Variants in TRPM3 observed in about 807,000 individuals in gnomAD.
TRPM3 encodes the protein long transient receptor potential channel 3.
TRPM3 carries 77 observed loss-of-function variants against 181.2 expected under a neutral mutation model. The observed-to-expected ratio is 0.42, with a 90% CI of 0.35 to 0.51. TRPM3 has a LOEUF of 0.51. TRPM3 is among the 20% of genes least tolerant of loss of function. The pLI is 0.01. For missense variants in TRPM3, 1,759 were observed against 2,196.7 expected (o/e 0.80, Z 3.98); for synonymous variants, 745 against 796.4 (o/e 0.94, Z 1.09).
chr9:71,157,162 AATAACAGT>A, intron 1 of TRPM3, among the ~76,000 whole-genome samples: 1 of 152,290 alleles, frequency 6.6e-6, no homozygotes, highest in African/African-American at 2.4e-5. Context: ...ATAGAAAATG[AATAACAGT>A]ACATTATCAA....
At chr9:71,339,113 A>G (rs2090776788) in intron 1 of TRPM3, among the ~76,000 whole-genome samples, 1 of 151,988 alleles carries the variant, frequency 6.6e-6, no homozygotes, top group Admixed American at 6.6e-5. Context: ...CAATACCATC[A>G]ATAAAAAAAT....
At chr9:70,818,225 G>A (rs1163047271) in intron 6 of TRPM3, among the ~76,000 whole-genome samples, 1 of 152,162 alleles carries the variant, frequency 6.6e-6, no homozygotes, top group Non-Finnish European at 1.5e-5. Context: ...AATGGAATGT[G>A]AATTTTTGAA....
chr9:70,615,009 T>C (rs528858359), intron 18 of TRPM3, among the ~76,000 whole-genome samples: 29 of 152,254 alleles, frequency 1.9e-4, no homozygotes, highest in Middle Eastern at 6.8e-3. Context: ...TGTCTGCAAA[T>C]AGATCTTTAG....
At chr9:71,445,450 T>C (rs2094190897) in intron 1 of TRPM3, among the ~76,000 whole-genome samples, 1 of 152,198 alleles carries the variant, frequency 6.6e-6, no homozygotes, top group Non-Finnish European at 1.5e-5. Context: ...AGCGGTGCTA[T>C]ACCCATATTT....
At chr9:71,375,245 A>C (rs1219392550) in intron 1 of TRPM3, among the ~76,000 whole-genome samples, 1 of 152,214 alleles carries the variant, frequency 6.6e-6, no homozygotes, top group Non-Finnish European at 1.5e-5. Context: ...ATCTTCGACA[A>C]ATCTGACTTA....
At chr9:71,152,399 C>T (rs924414448) in intron 1 of TRPM3, among the ~76,000 whole-genome samples, 1 of 152,094 alleles carries the variant, frequency 6.6e-6, no homozygotes, top group Admixed American at 6.6e-5. Context: ...ATGACTAAAT[C>T]ACCATGATTA....
chr9:70,615,777 C>A (rs1224214633), intron 18 of TRPM3, 131 bp downstream of exon 18: 5 of 929,628 alleles, frequency 5.4e-6, no homozygotes, highest in Non-Finnish European at 8.1e-6. Context: ...TGAAAGCACT[C>A]CATGATTAAA....
chr9:70,566,828 C>A (rs552908761), intron 22 of TRPM3, among the ~76,000 whole-genome samples: 3 of 152,182 alleles, frequency 2.0e-5, no homozygotes, highest in Non-Finnish European at 4.4e-5. Context: ...AAGGAAAATG[C>A]GTGCCAGGGA....
At chr9:71,090,245 T>G (rs2065975469) in intron 1 of TRPM3, among the ~76,000 whole-genome samples, 1 of 152,150 alleles carries the variant, frequency 6.6e-6, no homozygotes, top group Admixed American at 6.6e-5. Flanking sequence ...ACAGATTGAA[T>G]GTAGACATGT....
chr9:71,152,078 T>C (rs1249594174), intron 1 of TRPM3, among the ~76,000 whole-genome samples: 1 of 152,166 alleles, frequency 6.6e-6, no homozygotes, highest in South Asian at 2.1e-4. Context: ...TTTTAAAATC[T>C]GGACATATGT....
chr9:71,435,034 C>T (rs1351833789), intron 1 of TRPM3, among the ~76,000 whole-genome samples: 1 of 151,926 alleles, frequency 6.6e-6, no homozygotes, highest in African/African-American at 2.4e-5. Context: ...TTGCAATATC[C>T]ATGGAGAAAA....
At chr9:70,852,423 TG>T (rs1421021224) in intron 3 of TRPM3, among the ~76,000 whole-genome samples, 2 of 152,096 alleles carry the variant, frequency 1.3e-5, no homozygotes, top group African/African-American at 4.8e-5. Context: ...ACCTCAAAGG[TG>T]TAAATGGCTC....
chr9:71,209,691 G>A (rs945275776), intron 1 of TRPM3, among the ~76,000 whole-genome samples: 16 of 152,128 alleles, frequency 1.1e-4, no homozygotes, highest in African/African-American at 3.4e-4. Context: ...GCCTCTTTTT[G>A]TCTGGTCCAT....
At chr9:70,545,049 A>T (rs1192924660) in intron 25 of TRPM3, among the ~76,000 whole-genome samples, 1 of 152,180 alleles carries the variant, frequency 6.6e-6, no homozygotes, top group Non-Finnish European at 1.5e-5. Context: ...AGGTCTTAAT[A>T]CTCCATTTTA....
intron 22 of TRPM3, among the ~76,000 whole-genome samples, chr9:70,582,285 A>G (rs1454847704): frequency 2.6e-5 from 4 of 151,950 alleles, no homozygotes; most frequent in Non-Finnish European, 5.9e-5. Context: ...GCTTCTTTTC[A>G]TCATCTTGAC....
intron 22 of TRPM3, among the ~76,000 whole-genome samples, chr9:70,590,622 G>A (rs2057954988): frequency 2.6e-5 from 4 of 152,148 alleles, no homozygotes; most frequent in Admixed American, 2.0e-4. Context: ...TTGTTTATTT[G>A]TTCTGAAGTC....
intron 20 of TRPM3, among the ~76,000 whole-genome samples, chr9:70,602,700 C>G (rs1375383311): frequency 6.6e-6 from 1 of 152,186 alleles, no homozygotes; most frequent in Non-Finnish European, 1.5e-5. Context: ...TGATGGGCCC[C>G]TGAGGTTAGC....
intron 1 of TRPM3, among the ~76,000 whole-genome samples, chr9:71,362,279 TG>T (rs2092180630): frequency 6.6e-6 from 1 of 152,192 alleles, no homozygotes; most frequent in South Asian, 2.1e-4. Flanking sequence ...TCAGTTCCCC[TG>T]GGAGGAGATG....
intron 22 of TRPM3, among the ~76,000 whole-genome samples, chr9:70,563,449 T>C (rs2049675667): frequency 6.6e-6 from 1 of 152,234 alleles, no homozygotes; most frequent in Non-Finnish European, 1.5e-5. Flanking sequence ...CCCTACGTCC[T>C]TCAGGCTGAC....
Sources: gnomAD v4.1 joint callset for allele counts (sites outside exome capture counted in the v4.1 genomes callset) on GRCh38, gnomAD v4.1.1 for gene constraint, MANE v1.5 for transcripts, NCBI Gene and HGNC (gene_info 2026-07-23, HGNC 2026-07-21) for gene names.